Variants in ALPL observed in about 807,000 individuals in gnomAD.
ALPL encodes alkaline phosphatase, biomineralization associated, also known as alkaline phosphatase, tissue-nonspecific isozyme.
Under a neutral mutation model 51.3 loss-of-function variants are expected in ALPL, and 42 were observed. The ratio of observed to expected loss-of-function variants is 0.82; its 90% confidence interval spans 0.64 to 1.06. The LOEUF (loss-of-function observed/expected upper bound fraction) is 1.06, where lower values mean the gene tolerates loss of function less well. ALPL is among the 50% of genes least tolerant of loss of function. The pLI, the probability that ALPL is intolerant of heterozygous loss-of-function variation, is 0.00. For synonymous variants in ALPL, 279 were observed against 296.4 expected (o/e 0.94, Z 0.60); for missense variants, 589 against 709.4 (o/e 0.83, Z 1.93).
chr1:21,542,317 G>T (rs1202835593), intron 1 of ALPL, among the ~76,000 whole-genome samples: 3 of 152,202 alleles, frequency 2.0e-5, no homozygotes, highest in African/African-American at 4.8e-5. Flanking sequence ...CCTTGGAAGA[G>T]CCCAGAAGGC....
chr1:21,570,450 G>A (rs1644631516), intron 8 of ALPL, 76 bp downstream of exon 8: 1 of 1,488,848 alleles, frequency 6.7e-7, no homozygotes, highest in Non-Finnish European at 9.3e-7. Flanking sequence ...CAGCACCTGG[G>A]GACAAGGCCC....
Position 21,536,891 on chromosome 1 carries a change from C to CTT in ALPL, c.-104-17065_-104-17064dup, listed in dbSNP as rs10534586. Among the ~76,000 whole-genome samples the CTT allele has an allele frequency of 2.9e-3, 229 of 79,368 alleles. 2 individuals are homozygous for CTT. Among genetic ancestry groups the CTT allele is most frequent in the African/African-American group, 9.1e-3 (171 of 18,862 alleles). 52.1% of individuals were successfully genotyped at this position (79,368 alleles called of 152,430 possible). A position where few individuals can be genotyped will look rare whatever the true frequency, so the allele number is the denominator to read the frequency against. On this transcript the variant is annotated intron_variant, in intron 1 of 11. Coordinates refer to ENST00000374840, the MANE Select transcript of ALPL (RefSeq NM_000478.6). ...CCTTTTGATTTGCAAGGTTCCTTCC[C>CTT]TTTTTTTTTTTTTTTTTTTTTTTGA... is the stretch of plus-strand genomic sequence containing the variant.
At chr1:21,524,297 C>G (rs1008478123) in intron 1 of ALPL, among the ~76,000 whole-genome samples, 1 of 152,044 alleles carries the variant, frequency 6.6e-6, no homozygotes, top group Non-Finnish European at 1.5e-5. Context: ...CTACTGCGCC[C>G]GGCCCAAATC....
chr1:21,531,326 T>G (rs1644027997), intron 1 of ALPL, among the ~76,000 whole-genome samples: 2 of 152,192 alleles, frequency 1.3e-5, no homozygotes, highest in Admixed American at 1.3e-4. Flanking sequence ...GGTCCTGGGC[T>G]CAAGCGAGCC....
At chr1:21,517,373 C>T (rs1467076440) in intron 1 of ALPL, among the ~76,000 whole-genome samples, 1 of 152,192 alleles carries the variant, frequency 6.6e-6, no homozygotes, top group Non-Finnish European at 1.5e-5. Flanking sequence ...GCAGGTGAGA[C>T]TCAAATCCAG....
chr1:21,571,376 C>T (rs1242392418), intron 8 of ALPL, among the ~76,000 whole-genome samples: 1 of 152,200 alleles, frequency 6.6e-6, no homozygotes, highest in African/African-American at 2.4e-5. Flanking sequence ...TATCTCAAAA[C>T]TTAGGCCAGG....
intron 6 of ALPL, among the ~76,000 whole-genome samples, chr1:21,566,210 G>A (rs1644562306): frequency 6.6e-6 from 1 of 152,184 alleles, no homozygotes; most frequent in Non-Finnish European, 1.5e-5. Context: ...GCCACCCCCT[G>A]GGTGCTGGGG....
intron 1 of ALPL, among the ~76,000 whole-genome samples, chr1:21,537,216 C>T (rs115241508): frequency 0.033 from 5,042 of 152,250 alleles, 114 homozygotes; most frequent in Non-Finnish European, 0.047. Flanking sequence ...CCTTCTAAGA[C>T]GCTGATACTG....
chr1:21,543,807 T>C (rs115531175), intron 1 of ALPL, among the ~76,000 whole-genome samples: 2,673 of 152,250 alleles, frequency 0.018, 28 homozygotes, highest in Non-Finnish European at 0.025. Flanking sequence ...TAAGGGCAAA[T>C]ACCTGACCCT....
intron 1 of ALPL, among the ~76,000 whole-genome samples, chr1:21,544,787 T>C (rs375345322): frequency 1.3e-5 from 2 of 152,126 alleles, no homozygotes; most frequent in African/African-American, 4.8e-5. Context: ...TTGGACTAAA[T>C]GCATACACTA....
At chr1:21,550,933 G>A (rs920600649) in intron 1 of ALPL, among the ~76,000 whole-genome samples, 2 of 152,124 alleles carry the variant, frequency 1.3e-5, no homozygotes, top group African/African-American at 4.8e-5. Flanking sequence ...CCAGCCTGCC[G>A]TAGATGGAGG....
chr1:21,545,032 G>A (rs1430086759), intron 1 of ALPL, among the ~76,000 whole-genome samples: 1 of 151,902 alleles, frequency 6.6e-6, no homozygotes, highest in African/African-American at 2.4e-5. Flanking sequence ...TTCCCAGTGG[G>A]TTTCGAGACC....
chr1:21,573,433 T>C (rs1292534412), intron 8 of ALPL, among the ~76,000 whole-genome samples: 4 of 112,528 alleles, frequency 3.6e-5, no homozygotes, highest in Non-Finnish European at 7.5e-5. Context: ...TGAGACTCTG[T>C]CTCAAAAAAA....
intron 1 of ALPL, among the ~76,000 whole-genome samples, chr1:21,551,976 C>T (rs1377469180): frequency 2.7e-5 from 4 of 150,786 alleles, no homozygotes; most frequent in South Asian, 2.1e-4. Flanking sequence ...CCGCCCGCCT[C>T]GGCCTCCCAA....
chr1:21,525,680 G>A (rs989150059), intron 1 of ALPL, among the ~76,000 whole-genome samples: 2 of 152,072 alleles, frequency 1.3e-5, no homozygotes, highest in African/African-American at 4.8e-5. Flanking sequence ...ATCTGCCCTG[G>A]ATTTTGCCTT....
intron 6 of ALPL, among the ~76,000 whole-genome samples, chr1:21,567,016 C>T (rs1644574706): frequency 6.6e-6 from 1 of 152,144 alleles, no homozygotes; most frequent in African/African-American, 2.4e-5. Context: ...CGGCCATGAC[C>T]ATGGCCTGGA....
At chr1:21,576,068 G>A (rs925891296) in intron 10 of ALPL, 144 bp downstream of exon 10, 4 of 1,060,822 alleles carry the variant, frequency 3.8e-6, no homozygotes, top group Admixed American at 3.8e-5. Context: ...TACTGGGGAT[G>A]GGGAGAAAAT....
intron 1 of ALPL, among the ~76,000 whole-genome samples, chr1:21,533,935 A>AAAG (rs58697375): frequency 0.37 from 36,753 of 100,092 alleles, 5,516 homozygotes; most frequent in Middle Eastern, 0.49. Context: ...AAAAAAAAAA[A>AAAG]AAGAAGAAGA....
At chr1:21,567,425 C>T (rs552567678) in intron 6 of ALPL, among the ~76,000 whole-genome samples, 5 of 152,370 alleles carry the variant, frequency 3.3e-5, no homozygotes, top group African/African-American at 1.2e-4. Context: ...GTGGTGACTA[C>T]AGAGCCGTGA....
Sources: gnomAD v4.1 joint callset for allele counts (sites outside exome capture counted in the v4.1 genomes callset) on GRCh38, gnomAD v4.1.1 for gene constraint, MANE v1.5 for transcripts, NCBI Gene and HGNC (gene_info 2026-07-23, HGNC 2026-07-21) for gene names.